Variants in SPTLC3 observed in about 807,000 individuals in gnomAD.
The protein encoded by SPTLC3 is serine palmitoyltransferase long chain base subunit 3.
SPTLC3 carries 36 observed loss-of-function variants against 59.3 expected under a neutral mutation model. That is an observed-to-expected ratio of 0.61 (90% CI 0.47 to 0.80). SPTLC3 has a LOEUF of 0.80. Among genes scored for constraint, SPTLC3 ranks in the 30% least tolerant of loss-of-function variants. SPTLC3 has a pLI of 0.00. For missense variants in SPTLC3, 625 were observed against 685.1 expected (o/e 0.91, Z 0.98); for synonymous variants, 257 against 240.8 (o/e 1.07, Z -0.62).
intron 6 of SPTLC3, among the ~76,000 whole-genome samples, chr20:13,104,377 G>T (rs1435962098): frequency 6.6e-6 from 1 of 152,116 alleles, no homozygotes; most frequent in Non-Finnish European, 1.5e-5. Context: ...TAAGTCTCAC[G>T]AGATCTAATG....
chr20:13,134,104 G>A (rs978283580), intron 9 of SPTLC3, among the ~76,000 whole-genome samples: 11 of 152,298 alleles, frequency 7.2e-5, no homozygotes, highest in South Asian at 2.1e-4. Flanking sequence ...TCAGGTGTAC[G>A]TACCATGCAC....
At chr20:13,085,738 A>G (rs543345506) in intron 4 of SPTLC3, among the ~76,000 whole-genome samples, 4 of 152,392 alleles carry the variant, frequency 2.6e-5, no homozygotes, top group Admixed American at 1.3e-4. Flanking sequence ...ATAAAAATTC[A>G]GTAGACATGC....
At chr20:13,083,185 T>C (rs1033887431) in intron 4 of SPTLC3, among the ~76,000 whole-genome samples, 48 of 152,166 alleles carry the variant, frequency 3.2e-4, no homozygotes, top group Admixed American at 2.9e-3. Flanking sequence ...AAGACTTAAG[T>C]TGCAGGGTCC....
In SPTLC3 at chr20:13,117,533, C is replaced by T; in HGVS notation, c.960C>T (p.Pro320=). 1 of 1,606,220 alleles carries T rather than the reference C, an allele frequency of 6.2e-7. No homozygotes were observed. The highest frequency in any genetic ancestry group is 8.5e-7 in the Non-Finnish European group (1 of 1,175,992). Residue 320 remains proline, a synonymous_variant, in exon 8 of 12, where the codon CCC becomes CCT. Transcript: ENST00000399002. ...TGGAAGGTTCCATCGTGCATCTGCC[C>T]CAGATCATAGCTCTAAAGAAGAAAT... is the stretch of plus-strand genomic sequence containing the variant. ...YSMEGSIVHL[P]QIIALKKKYK... is the part of the protein sequence containing the mutation.
At chr20:13,071,820 T>G (rs1988448103) in intron 2 of SPTLC3, among the ~76,000 whole-genome samples, 1 of 152,104 alleles carries the variant, frequency 6.6e-6, no homozygotes, top group Non-Finnish European at 1.5e-5. Flanking sequence ...CACCCTCGAG[T>G]AGCAGTTTTG....
chr20:13,096,880 C>G (rs1989433969), intron 6 of SPTLC3, among the ~76,000 whole-genome samples: 1 of 152,118 alleles, frequency 6.6e-6, no homozygotes, highest in African/African-American at 2.4e-5. Context: ...GTGTCCTCAT[C>G]CTACAGCTTA....
chr20:13,079,628 C>T (rs1019321445), intron 4 of SPTLC3: 1 of 310,420 alleles, frequency 3.2e-6, no homozygotes, highest in African/African-American at 2.3e-5. Flanking sequence ...CCAGGGAGGA[C>T]CCTGTTAGGA....
intron 8 of SPTLC3, among the ~76,000 whole-genome samples, chr20:13,118,882 T>C (rs1990742487): frequency 6.6e-6 from 1 of 152,242 alleles, no homozygotes; most frequent in South Asian, 2.1e-4. Flanking sequence ...TGCCATGAAA[T>C]GCACAGATGC....
intron 2 of SPTLC3, among the ~76,000 whole-genome samples, chr20:13,071,797 T>C (rs1988446481): frequency 6.6e-6 from 1 of 152,196 alleles, no homozygotes; most frequent in Non-Finnish European, 1.5e-5. Context: ...CCATTGGCCA[T>C]GTAACAGCTA....
chr20:13,140,538 A>G (rs950702083), intron 9 of SPTLC3, among the ~76,000 whole-genome samples: 6 of 152,196 alleles, frequency 3.9e-5, no homozygotes, highest in African/African-American at 1.4e-4. Context: ...GATTAACATC[A>G]CTTGCATTTT....
chr20:13,110,302 A>G (rs1000979457), intron 7 of SPTLC3, 85 bp downstream of exon 7: 63 of 1,136,538 alleles, frequency 5.5e-5, no homozygotes, highest in Non-Finnish European at 7.4e-5. Context: ...TCCTAGCTAA[A>G]CAGAGAAATG....
intron 7 of SPTLC3, among the ~76,000 whole-genome samples, chr20:13,113,279 G>C (rs572987183): frequency 6.6e-6 from 1 of 152,132 alleles, no homozygotes; most frequent in Non-Finnish European, 1.5e-5. Flanking sequence ...CCTACTTTTC[G>C]GAGGTATATT....
chr20:13,027,238 G>A (rs899497798), intron 1 of SPTLC3, among the ~76,000 whole-genome samples: 2 of 152,018 alleles, frequency 1.3e-5, no homozygotes, highest in Non-Finnish European at 2.9e-5. Flanking sequence ...TATAAAACAC[G>A]GCCAATTTTT....
At position 13,167,685 on chromosome 20, in the gene SPTLC3, T is replaced by C. The variant is rs1380589747; in HGVS notation, c.*2818T>C. 1.3e-5 allele frequency: 2 copies of C among 152,208 alleles called. No individual in the cohort carries two copies. Among genetic ancestry groups the C allele is most frequent in the Non-Finnish European group, 2.9e-5 (2 of 68,036 alleles). 9.4% of individuals were successfully genotyped at this position (152,208 alleles called of 1,614,324 possible). On this transcript the variant is annotated 3_prime_UTR_variant, in exon 12 of 12. Coordinates refer to ENST00000399002, the MANE Select transcript of SPTLC3 (RefSeq NM_018327.4). ...CGATGGTGTCATGGACGTTTAACCA[T>C]ATTGCCTTTCAGCATGCTTTGATTT...
At chr20:13,164,070 A>G (rs2038949367) in intron 11 of SPTLC3, among the ~76,000 whole-genome samples, 2 of 151,768 alleles carry the variant, frequency 1.3e-5, no homozygotes, top group Admixed American at 1.3e-4. Context: ...CCATCCCACA[A>G]CAGTCCCTGG....
intron 4 of SPTLC3, among the ~76,000 whole-genome samples, chr20:13,077,182 G>A (rs568920698): frequency 2.0e-5 from 3 of 151,846 alleles, no homozygotes; most frequent in African/African-American, 2.4e-5. Context: ...GACAACCATC[G>A]AGCCAGCATA....
intron 4 of SPTLC3, among the ~76,000 whole-genome samples, chr20:13,082,206 C>T (rs1988862998): frequency 6.6e-6 from 1 of 152,132 alleles, no homozygotes; most frequent in Admixed American, 6.5e-5. Context: ...GATCTACCAC[C>T]TTCCATCTTC....
intron 4 of SPTLC3, among the ~76,000 whole-genome samples, chr20:13,083,299 C>T (rs538760191): frequency 5.9e-4 from 90 of 152,210 alleles, no homozygotes; most frequent in African/African-American, 2.0e-3. Flanking sequence ...TATTCACCAG[C>T]CTGGAGCCCC....
At chr20:13,079,207 T>G (rs1052893986) in intron 4 of SPTLC3, among the ~76,000 whole-genome samples, 1 of 152,084 alleles carries the variant, frequency 6.6e-6, no homozygotes, top group African/African-American at 2.4e-5. Flanking sequence ...CCCAAACAAA[T>G]ACGTAAATTG....
Sources: allele counts gnomAD v4.1 joint callset (sites outside exome capture counted in the v4.1 genomes callset), GRCh38; gene constraint gnomAD v4.1.1; transcripts MANE v1.5; gene names NCBI Gene and HGNC (gene_info 2026-07-23, HGNC 2026-07-21).